ECH1: variants seen among roughly 807,000 people sequenced by gnomAD.
ECH1 encodes delta(3,5)-Delta(2,4)-dienoyl-CoA isomerase, mitochondrial.
In ECH1, 30 loss-of-function variants were observed where a neutral mutation model predicts 37.0. The observed-to-expected ratio is 0.81, with a 90% CI of 0.61 to 1.10. The LOEUF is 1.10. Among genes scored for constraint, ECH1 ranks in the 50% least tolerant of loss-of-function variants. The probability of loss-of-function intolerance (pLI) is 0.00; values close to 1 mark genes in which losing one functional copy is unlikely to be tolerated. For missense variants in ECH1, 456 were observed against 441.6 expected (o/e 1.03, Z -0.29); for synonymous variants, 178 against 176.0 (o/e 1.01, Z -0.09).
rs553344653 is a variant in ECH1 at position 38,821,882 on chromosome 19, C to T, written c.350-4307G>A. ...ACTGCCCAAGGGCTGAGGAGTGCTC[C>T]GCCTGCGGCCCTGGTGCAGGATCCA... is the stretch of plus-strand genomic sequence containing the variant. On this transcript the variant is annotated intron_variant, in intron 3 of 9. Coordinates refer to ENST00000221418, the MANE Select transcript of ECH1 (RefSeq NM_001398.3). 7.2e-5 allele frequency among the ~76,000 whole-genome samples: 11 copies of T among 152,364 alleles called. No individual in the cohort carries two copies. In the South Asian group the frequency reaches 1.4e-3, roughly 20 times the overall value.
intron 3 of ECH1, among the ~76,000 whole-genome samples, chr19:38,822,320 G>C (rs1022332230): frequency 1.3e-5 from 2 of 151,564 alleles, no homozygotes; most frequent in African/African-American, 4.9e-5. Flanking sequence ...TCAGCACTCT[G>C]TATCTAGCTA....
intron 3 of ECH1, chr19:38,818,510 C>CA (rs1239063260): frequency 3.8e-6 from 2 of 521,392 alleles, no homozygotes; most frequent in Non-Finnish European, 4.9e-6. Flanking sequence ...TTATTTCAGA[C>CA]AGAGTCTCGC....
Position 38,831,790 on chromosome 19 carries a change from A to G in ECH1, c.-18T>C. 17 of 1,612,360 alleles carry G rather than the reference A, an allele frequency of 1.1e-5. No homozygotes were observed. Among genetic ancestry groups the G allele is most frequent in the Non-Finnish European group, 1.4e-5 (17 of 1,179,502 alleles). On this transcript the variant is annotated 5_prime_UTR_variant, in exon 1 of 10. Transcript: ENST00000221418. ...GCCGCCATCGCCGCCGCCTTCGTCTACTGCGTTCGGACGGAGTAACGTGCC... is the reference window on the plus strand; with the variant it reads ...GCCGCCATCGCCGCCGCCTTCGTCTGCTGCGTTCGGACGGAGTAACGTGCC...
chr19:38,815,444 T>C lies in ECH1; in HGVS notation c.*169A>G. Reference sequence around the variant, plus strand: ...AGGTTCTTTACTTTGCTTTATTGTTTGTGGGGTGAAGATAAGGCCTTGGGC... The same window carrying C: ...AGGTTCTTTACTTTGCTTTATTGTTCGTGGGGTGAAGATAAGGCCTTGGGC... On this transcript the variant is annotated 3_prime_UTR_variant, in exon 10 of 10. Transcript: ENST00000221418. 1.6e-6 allele frequency: 1 copy of C among 644,814 alleles called. No individual in the cohort carries two copies. The highest frequency in any genetic ancestry group is 2.7e-6 in the Non-Finnish European group (1 of 374,960). 39.9% of individuals were successfully genotyped at this position (644,814 alleles called of 1,614,324 possible). A position where few individuals can be genotyped will look rare whatever the true frequency, so the allele number is the denominator to read the frequency against.
rs1971579888 is a variant in ECH1 at position 38,816,531 on chromosome 19, A to G, written c.589-8T>C. ...CAAACCCACGTCCACCTCCTGGGGG[A>G]GGAATCGGGTCAGTGTTTGGTTTCT... On this transcript the variant is annotated splice_polypyrimidine_tract_variant and splice_region_variant and intron_variant, in intron 6 of 9. Transcript: ENST00000221418. 6.2e-7 allele frequency: 1 copy of G among 1,613,810 alleles called. No individual in the cohort carries two copies. Among genetic ancestry groups the G allele is most frequent in the African/African-American group, 1.3e-5 (1 of 74,874 alleles).
chr19:38,818,945 A>AC (rs1290533212), intron 3 of ECH1, among the ~76,000 whole-genome samples: 1 of 114,088 alleles, frequency 8.8e-6, no homozygotes, highest in Non-Finnish European at 1.8e-5. Context: ...ACTGTTCCCA[A>AC]CCTGTTACTT....
chr19:38,818,931 G>GCGCGCGCGCGCGCA lies in ECH1; in HGVS notation c.350-1357_350-1356insTGCGCGCGCGCGCG, dbSNP rs777285072. Among the ~76,000 whole-genome samples the GCGCGCGCGCGCGCA allele has an allele frequency of 1.4e-3, 184 of 127,228 alleles. 3 individuals are homozygous for GCGCGCGCGCGCGCA. The highest frequency in any genetic ancestry group is 2.6e-3 in the Non-Finnish European group (147 of 56,184). The allele number at this position is 127,228 out of a possible 152,430, so 83.5% of individuals were successfully genotyped here. ...TGTGTGTGTGTGTGTGTGTGTGTGTGTGCACTGTTCCCAACCTGTTACTTT... is the reference window on the plus strand; with the variant it reads ...TGTGTGTGTGTGTGTGTGTGTGTGTGCGCGCGCGCGCGCATGCACTGTTCCCAACCTGTTACTTT... On this transcript the variant is annotated intron_variant, in intron 3 of 9. Transcript: ENST00000221418.
intron 5 of ECH1, 55 bp downstream of exon 5, chr19:38,817,261 G>A (rs887474353): frequency 4.6e-6 from 7 of 1,529,598 alleles, no homozygotes; most frequent in East Asian, 2.4e-5. Flanking sequence ...CCGCGGCATC[G>A]GAGCAGCAGC....
intron 3 of ECH1, chr19:38,819,146 G>A (rs1971625888): frequency 1.0e-6 from 1 of 985,390 alleles, no homozygotes; most frequent in Non-Finnish European, 1.2e-6. Context: ...GCAGGACAGA[G>A]AGGTGAAAAG....
intron 3 of ECH1, among the ~76,000 whole-genome samples, chr19:38,820,861 G>A (rs150693317): frequency 0.014 from 2,198 of 152,314 alleles, 21 homozygotes; most frequent in South Asian, 0.041. Context: ...GTCAGGAATC[G>A]GGGCTGCTTC....
chr19:38,831,514 G>A lies in ECH1; in HGVS notation c.55C>T (p.Leu19=), dbSNP rs1398575045. ...RRLRDLLTRR[L]TGSNYPGLSI... is the part of the protein sequence containing the mutation. ...AGTCCCGGGTAGTTGGAGCCTGTCA[G>A]TCCTGGGGAGAAAGGAACAGCCTTT... The change falls in exon 2 of 10, where the codon CTG becomes TTG. Residue 19 remains leucine (L), a splice_region_variant and synonymous_variant. Transcript: ENST00000221418. 1 of 1,613,010 alleles carries A rather than the reference G, an allele frequency of 6.2e-7. No individual in the cohort carries two copies. Among genetic ancestry groups the A allele is most frequent in the Non-Finnish European group, 8.5e-7 (1 of 1,179,364 alleles).
intron 3 of ECH1, among the ~76,000 whole-genome samples, chr19:38,826,566 A>G (rs1306709403): frequency 1.3e-5 from 2 of 152,232 alleles, no homozygotes; most frequent in Non-Finnish European, 2.9e-5. Context: ...CTCTATATCC[A>G]GCTGTAACCA....
At chr19:38,829,110 C>G (rs141774714) in intron 3 of ECH1, among the ~76,000 whole-genome samples, 2,111 of 150,968 alleles carry the variant, frequency 0.014, 46 homozygotes, top group African/African-American at 0.049. Context: ...AATGGTGAGA[C>G]CCCGTCTCTA....
intron 3 of ECH1, among the ~76,000 whole-genome samples, chr19:38,826,364 C>T (rs190105778): frequency 3.3e-4 from 51 of 152,326 alleles, no homozygotes; most frequent in Admixed American, 1.2e-3. Flanking sequence ...ACTGCTTTTC[C>T]TTATCAAAGG....
At chr19:38,830,258 G>C (rs1459475619) in intron 3 of ECH1, among the ~76,000 whole-genome samples, 1 of 152,132 alleles carries the variant, frequency 6.6e-6, no homozygotes, top group East Asian at 1.9e-4. Context: ...AAGGTCAGTG[G>C]GTCAATCCAA....
chr19:38,816,146 C>A, intron 8 of ECH1, 138 bp downstream of exon 8: 1 of 1,470,504 alleles, frequency 6.8e-7, no homozygotes, highest in East Asian at 2.4e-5. Flanking sequence ...GGGGCTGACC[C>A]CACAATAAAG....
intron 3 of ECH1, among the ~76,000 whole-genome samples, chr19:38,823,656 G>C (rs533314592): frequency 6.6e-6 from 1 of 152,182 alleles, no homozygotes; most frequent in South Asian, 2.1e-4. Flanking sequence ...AGAGAGGAAA[G>C]CCATGCAGCT....
Position 38,817,336 on chromosome 19 carries a change from T to A in ECH1, c.503A>T (p.His168Leu). ...CTCACCTCCGCCAATGCAGCCCCCA[T>A]GGACGGCAGCAATCACGGGCTTGGG... ...RCPKPVIAAVHGGCIGGGVDL... is the reference protein window; with the variant it reads ...RCPKPVIAAVLGGCIGGGVDL... Residue 168 changes from histidine (H) to leucine (L), a missense_variant, in exon 5 of 10, where the codon CAT (histidine) becomes CTT (leucine). By Grantham distance (99) the His-to-Leu change is moderately conservative. Transcript: ENST00000221418. The A allele has an allele frequency of 6.3e-7, 1 of 1,576,500 alleles. No individual in the cohort carries two copies. The highest frequency in any genetic ancestry group is 8.6e-7 in the Non-Finnish European group (1 of 1,159,400).
At chr19:38,824,848 C>A (rs1971716037) in intron 3 of ECH1, among the ~76,000 whole-genome samples, 1 of 152,062 alleles carries the variant, frequency 6.6e-6, no homozygotes, top group Admixed American at 6.6e-5. Flanking sequence ...AGGAAATATG[C>A]AAAGAAATCT....
Sources: allele counts gnomAD v4.1 joint callset (sites outside exome capture counted in the v4.1 genomes callset), GRCh38; gene constraint gnomAD v4.1.1; transcripts MANE v1.5; gene names NCBI Gene and HGNC (gene_info 2026-07-23, HGNC 2026-07-21).